LRRTM4: variants seen among roughly 807,000 people sequenced by gnomAD.
LRRTM4 encodes leucine rich repeat transmembrane neuronal 4.
A neutral mutation model predicts 47.6 loss-of-function variants in LRRTM4; 25 were observed. The ratio of observed to expected loss-of-function variants is 0.53; its 90% confidence interval spans 0.38 to 0.73. The LOEUF (loss-of-function observed/expected upper bound fraction) is 0.73, where lower values mean the gene tolerates loss of function less well. Among genes scored for constraint, LRRTM4 ranks in the 30% least tolerant of loss-of-function variants. The pLI is 0.00. For synonymous variants in LRRTM4, 311 were observed against 269.5 expected (o/e 1.15, Z -1.51); for missense variants, 638 against 713.4 (o/e 0.89, Z 1.20).
intron 3 of LRRTM4, among the ~76,000 whole-genome samples, chr2:77,210,721 G>T (rs1020580156): frequency 6.6e-6 from 1 of 152,106 alleles, no homozygotes; most frequent in Non-Finnish European, 1.5e-5. Context: ...TGATGTGTTT[G>T]AAGTTACCAA....
At chr2:76,924,122 A>C (rs1014346832) in intron 3 of LRRTM4, among the ~76,000 whole-genome samples, 1 of 151,986 alleles carries the variant, frequency 6.6e-6, no homozygotes, top group Non-Finnish European at 1.5e-5. Context: ...TGTGAAATGA[A>C]GACAAACTTA....
intron 3 of LRRTM4, among the ~76,000 whole-genome samples, chr2:77,027,785 A>G (rs1434755797): frequency 6.6e-6 from 1 of 152,162 alleles, no homozygotes; most frequent in Non-Finnish European, 1.5e-5. Context: ...AATGAGCATT[A>G]CATTAATTAT....
intron 3 of LRRTM4, among the ~76,000 whole-genome samples, chr2:77,480,579 C>G (rs1422394095): frequency 6.6e-6 from 1 of 152,020 alleles, no homozygotes; most frequent in Non-Finnish European, 1.5e-5. Flanking sequence ...CATTTCAATT[C>G]CTAGATAGAT....
chr2:76,859,526 GA>G (rs1205270287), intron 3 of LRRTM4, among the ~76,000 whole-genome samples: 3 of 152,110 alleles, frequency 2.0e-5, no homozygotes, highest in African/African-American at 7.2e-5. Flanking sequence ...TAGCATAGTT[GA>G]ATTTAGAAGT....
chr2:77,044,838 T>C (rs1679180696), intron 3 of LRRTM4, among the ~76,000 whole-genome samples: 1 of 151,666 alleles, frequency 6.6e-6, no homozygotes, highest in Non-Finnish European at 1.5e-5. Context: ...TGCATGTAGG[T>C]GGCACAAATG....
chr2:76,941,747 A>G (rs1675150469), intron 3 of LRRTM4, among the ~76,000 whole-genome samples: 1 of 152,150 alleles, frequency 6.6e-6, no homozygotes, highest in South Asian at 2.1e-4. Flanking sequence ...AGTCTTTGCT[A>G]TTGTGAATAA....
chr2:76,955,451 G>A (rs900069384), intron 3 of LRRTM4, among the ~76,000 whole-genome samples: 7 of 151,530 alleles, frequency 4.6e-5, no homozygotes, highest in African/African-American at 1.7e-4. Flanking sequence ...AGAAAATATA[G>A]ACATAAGATA....
chr2:77,081,246 CAACA>C (rs1039500837), intron 3 of LRRTM4, among the ~76,000 whole-genome samples: 3 of 76,524 alleles, frequency 3.9e-5, no homozygotes, highest in Non-Finnish European at 7.8e-5. Flanking sequence ...TACCTGACAG[CAACA>C]CACACACACA....
Position 77,221,069 on chromosome 2 carries a change from G to T in LRRTM4, c.1551+297249C>A, listed in dbSNP as rs1208836242. The stretch of plus-strand genomic sequence containing the variant: ...CAATATTCAACATTCTTAAAGAAAA[G>T]AATTTTCAACCCAGAATTTCATATC... On this transcript the variant is annotated intron_variant, in intron 3 of 3. Coordinates refer to ENST00000409884, the MANE Select transcript of LRRTM4 (RefSeq NM_001134745.3). Among the ~76,000 whole-genome samples, 8 of 152,272 alleles carry T rather than the reference G, an allele frequency of 5.3e-5. No individual in the cohort carries two copies. In the East Asian group the frequency reaches 5.8e-4, roughly 11 times the overall value.
chr2:77,040,217 TAAC>T (rs1367804936), intron 3 of LRRTM4, among the ~76,000 whole-genome samples: 1 of 151,318 alleles, frequency 6.6e-6, no homozygotes, highest in Non-Finnish European at 1.5e-5. Context: ...GTTCTTCCCT[TAAC>T]AAGACACATA....
intron 3 of LRRTM4, among the ~76,000 whole-genome samples, chr2:77,044,414 C>T (rs1240563206): frequency 1.3e-5 from 2 of 151,738 alleles, no homozygotes; most frequent in Admixed American, 6.6e-5. Flanking sequence ...AAAATGCTAA[C>T]TTCTATCCTA....
rs184727165 is a variant in LRRTM4, at chr2:77,435,646, T to G, written c.1551+82672A>C. ...TGAGTAAGAAAGATACATGAAAGTT[T>G]GGAAATAAAGAGTGAATATAATACT... is the stretch of plus-strand genomic sequence containing the variant. On this transcript the variant is annotated intron_variant, in intron 3 of 3. Transcript: ENST00000409884. Among the ~76,000 whole-genome samples the G allele has an allele frequency of 3.4e-3, 511 of 152,258 alleles. 2 individuals carry two copies. Among genetic ancestry groups the G allele is most frequent in the African/African-American group, 0.012 (500 of 41,562 alleles).
Position 77,097,165 on chromosome 2 carries a change from A to T in LRRTM4, c.1552-348249T>A, listed in dbSNP as rs193130471. On this transcript the variant is annotated intron_variant, in intron 3 of 3. Transcript: ENST00000409884. ...AGAGAATTTTTATATAATGATAAAAATGACACCTGGAAGATATTGTAATTC... is the reference window on the plus strand; with the variant it reads ...AGAGAATTTTTATATAATGATAAAATTGACACCTGGAAGATATTGTAATTC... 7.1e-4 allele frequency among the ~76,000 whole-genome samples: 108 copies of T among 152,038 alleles called. No homozygotes were observed. In the East Asian group the frequency reaches 0.017, roughly 24 times the overall value.
chr2:77,180,427 G>A (rs1466966757), intron 3 of LRRTM4, among the ~76,000 whole-genome samples: 1 of 152,040 alleles, frequency 6.6e-6, no homozygotes, highest in Non-Finnish European at 1.5e-5. Flanking sequence ...GCACTCTAAT[G>A]ACCTGTGTTT....
chr2:77,004,655 G>T (rs1164857978), intron 3 of LRRTM4, among the ~76,000 whole-genome samples: 2 of 152,190 alleles, frequency 1.3e-5, no homozygotes, highest in South Asian at 2.1e-4. Flanking sequence ...TGTGAGAATG[G>T]GGCCACCGTC....
At position 76,903,392 on chromosome 2, in the gene LRRTM4, C is replaced by G. The variant is rs566968206; in HGVS notation, c.1552-154476G>C. Among the ~76,000 whole-genome samples the G allele has an allele frequency of 1.8e-3, 279 of 151,796 alleles. 1 individual carries two copies. The highest frequency in any genetic ancestry group is 0.01 in the Middle Eastern group (3 of 294). The stretch of plus-strand genomic sequence containing the variant: ...TCTACTAAAAATACAAAAATTTAGC[C>G]AGGTGTGGTGGCGGGCGCCTGTAGT... On this transcript the variant is annotated intron_variant, in intron 3 of 3. Coordinates refer to ENST00000409884, the MANE Select transcript of LRRTM4 (RefSeq NM_001134745.3).
At chr2:77,044,809 ATG>A (rs1399971742) in intron 3 of LRRTM4, among the ~76,000 whole-genome samples, 4 of 151,686 alleles carry the variant, frequency 2.6e-5, no homozygotes, top group African/African-American at 4.8e-5. Context: ...AATTATGTGA[ATG>A]TGTGTGTGAA....
At chr2:77,443,429 T>TTAGAAA (rs1213329572) in intron 3 of LRRTM4, among the ~76,000 whole-genome samples, 1 of 152,152 alleles carries the variant, frequency 6.6e-6, no homozygotes, top group Non-Finnish European at 1.5e-5. Flanking sequence ...TATTTTATTA[T>TTAGAAA]TTTAGTTTAC....
intron 3 of LRRTM4, among the ~76,000 whole-genome samples, chr2:76,858,872 A>C (rs1672232797): frequency 6.6e-6 from 1 of 152,158 alleles, no homozygotes; most frequent in South Asian, 2.1e-4. Flanking sequence ...CCTATGCTAC[A>C]CTGAATAGTT....
Sources: gnomAD v4.1 joint callset for allele counts (sites outside exome capture counted in the v4.1 genomes callset) on GRCh38, gnomAD v4.1.1 for gene constraint, MANE v1.5 for transcripts, NCBI Gene and HGNC (gene_info 2026-07-23, HGNC 2026-07-21) for gene names.